The following WWOX variants were observed in gnomAD, a reference collection of about 807,000 sequenced individuals.
The protein encoded by WWOX is WW domain containing oxidoreductase, also known as WW domain-containing oxidoreductase.
A neutral mutation model predicts 46.2 loss-of-function variants in WWOX; 69 were observed. The observed-to-expected ratio is 1.49, with a 90% CI of 1.23 to 1.82. The LOEUF is 1.82. Among genes scored for constraint, WWOX ranks in the 40% most tolerant of loss-of-function variants. WWOX has a pLI of 0.00. For synonymous variants in WWOX, 359 were observed against 202.6 expected, an observed-to-expected ratio of 1.77 and a Z score of -6.56; for missense variants, 919 against 542.6, an observed-to-expected ratio of 1.69 and a Z score of -6.89.
chr16:78,679,059 T>C, intron 8 of WWOX, among the ~76,000 whole-genome samples: 1 of 152,150 alleles, frequency 6.6e-6, no homozygotes, highest in East Asian at 1.9e-4. Context: ...GTTTCTAGAA[T>C]CTCAAGGATG....
intron 8 of WWOX, among the ~76,000 whole-genome samples, chr16:78,599,725 G>A (rs1020930126): frequency 7.9e-5 from 12 of 152,172 alleles, no homozygotes; most frequent in African/African-American, 2.7e-4. Flanking sequence ...GAAGTGGGGT[G>A]TGGGCAACAG....
chr16:78,386,665 C>T lies in WWOX; in HGVS notation c.517-195C>T, dbSNP rs544858671. On this transcript the variant is annotated intron_variant, in intron 5 of 8. Transcript: ENST00000566780. ...CCCAGCCTGTAGGTTTAGCAGAATCCCAGCCTCACATCCTCCCCGAACTTG... is the reference window on the plus strand; with the variant it reads ...CCCAGCCTGTAGGTTTAGCAGAATCTCAGCCTCACATCCTCCCCGAACTTG... 2.6e-3 allele frequency among the ~76,000 whole-genome samples: 312 copies of T among 119,818 alleles called. 1 individual carries two copies. Among genetic ancestry groups the T allele is most frequent in the Non-Finnish European group, 4.2e-3 (257 of 60,778 alleles). The allele number at this position is 119,818 out of a possible 152,430, so 78.6% of individuals were successfully genotyped here. A position where few individuals can be genotyped will look rare whatever the true frequency, so the allele number is the denominator to read the frequency against.
chr16:78,437,370 C>G (rs2083357377), intron 8 of WWOX, among the ~76,000 whole-genome samples: 1 of 152,164 alleles, frequency 6.6e-6, no homozygotes, highest in South Asian at 2.1e-4. Flanking sequence ...TCTTGTGCAA[C>G]TTTATTAAAT....
Position 78,748,386 on chromosome 16 carries a change from A to G in WWOX, c.1056+315634A>G, listed in dbSNP as rs181303498. The stretch of plus-strand genomic sequence containing the variant: ...TATGGAAAGTCTTTCACTCATTTCT[A>G]TCTGCAGTATTTACTGGGCATTTTT... On this transcript the variant is annotated intron_variant, in intron 8 of 8. Coordinates refer to ENST00000566780, the MANE Select transcript of WWOX (RefSeq NM_016373.4). Among the ~76,000 whole-genome samples, 789 of 152,308 alleles carry G rather than the reference A, an allele frequency of 5.2e-3. 4 individuals are homozygous for G. Among genetic ancestry groups the G allele is most frequent in the Non-Finnish European group, 8.2e-3 (561 of 68,020 alleles).
At chr16:78,580,893 C>G (rs2045034970) in intron 8 of WWOX, among the ~76,000 whole-genome samples, 1 of 152,186 alleles carries the variant, frequency 6.6e-6, no homozygotes. Context: ...TCTGCCCACC[C>G]AGGTGGTAAT....
chr16:78,545,782 C>T (rs192756648), intron 8 of WWOX, among the ~76,000 whole-genome samples: 114 of 152,198 alleles, frequency 7.5e-4, no homozygotes, highest in Non-Finnish European at 1.2e-3. Flanking sequence ...CTCTCTGAGG[C>T]CTCTCTCCTT....
intron 8 of WWOX, among the ~76,000 whole-genome samples, chr16:79,167,500 C>T (rs1025750758): frequency 2.6e-5 from 4 of 152,074 alleles, no homozygotes; most frequent in Admixed American, 6.6e-5. Flanking sequence ...CTGGTGTGTC[C>T]ATCATGCACT....
chr16:79,058,129 C>A lies in WWOX; in HGVS notation c.1057-153479C>A, dbSNP rs143876402. The stretch of plus-strand genomic sequence containing the variant: ...CTTAAAAAAAAAAAAAACAAACAAA[C>A]AAAAAAAAAAAACTCCTTCTTCATT... On this transcript the variant is annotated intron_variant, in intron 8 of 8. Transcript: ENST00000566780. Among the ~76,000 whole-genome samples, 173 of 120,152 alleles carry A rather than the reference C, an allele frequency of 1.4e-3. No individual in the cohort carries two copies. The East Asian group carries it at 0.015, about 11-fold the overall frequency. The allele number at this position is 120,152 out of a possible 152,430, so 78.8% of individuals were successfully genotyped here. A position where few individuals can be genotyped will look rare whatever the true frequency, so the allele number is the denominator to read the frequency against.
intron 1 of WWOX, among the ~76,000 whole-genome samples, chr16:78,107,781 G>A (rs2032245003): frequency 1.3e-5 from 2 of 152,144 alleles, no homozygotes; most frequent in Non-Finnish European, 2.9e-5. Flanking sequence ...TCCAGCCTGG[G>A]CAACATAGTG....
chr16:79,079,843 A>G (rs777789931), intron 8 of WWOX, among the ~76,000 whole-genome samples: 1 of 152,242 alleles, frequency 6.6e-6, no homozygotes, highest in African/African-American at 2.4e-5. Context: ...ATTACAACAT[A>G]TGCTTCTCTG....
intron 8 of WWOX, among the ~76,000 whole-genome samples, chr16:78,911,777 A>G (rs2045118111): frequency 6.6e-6 from 1 of 152,060 alleles, no homozygotes; most frequent in African/African-American, 2.4e-5. Context: ...GAGGCAGGAG[A>G]ATCACTTGAA....
At chr16:78,795,987 T>C (rs2050725928) in intron 8 of WWOX, among the ~76,000 whole-genome samples, 2 of 152,132 alleles carry the variant, frequency 1.3e-5, no homozygotes, top group Non-Finnish European at 2.9e-5. Flanking sequence ...AAAGAACATT[T>C]TGTGAATGTT....
chr16:79,011,159 A>T (rs893326062), intron 8 of WWOX, among the ~76,000 whole-genome samples: 1 of 141,926 alleles, frequency 7.0e-6, no homozygotes, highest in African/African-American at 2.5e-5. Context: ...ACACACACAC[A>T]CACACACACA....
intron 8 of WWOX, among the ~76,000 whole-genome samples, chr16:78,718,173 C>G (rs370695598): frequency 2.2e-4 from 33 of 149,450 alleles, no homozygotes; most frequent in African/African-American, 8.3e-4. Flanking sequence ...TATGGCTGCC[C>G]AAGTTATTAT....
At chr16:78,392,102 G>A (rs9926074) in intron 6 of WWOX, among the ~76,000 whole-genome samples, 29,552 of 151,564 alleles carry the variant, frequency 0.19, 3,350 homozygotes, top group East Asian at 0.37. Context: ...AACCAATAGC[G>A]GAGCCGTGGC....
chr16:78,663,922 A>T (rs1255266699), intron 8 of WWOX, among the ~76,000 whole-genome samples: 3 of 152,202 alleles, frequency 2.0e-5, no homozygotes, highest in Admixed American at 1.3e-4. Context: ...GGGATAATAG[A>T]CAACGCTATC....
chr16:79,074,020 C>T (rs773997092), intron 8 of WWOX, among the ~76,000 whole-genome samples: 2 of 151,872 alleles, frequency 1.3e-5, no homozygotes, highest in African/African-American at 2.4e-5. Flanking sequence ...AGCCTTTCAC[C>T]ATGGTTAGTT....
chr16:78,557,597 T>C (rs1340765028), intron 8 of WWOX, among the ~76,000 whole-genome samples: 1 of 151,864 alleles, frequency 6.6e-6, no homozygotes, highest in Non-Finnish European at 1.5e-5. Context: ...AGGATGACCC[T>C]CTATCACAGC....
intron 6 of WWOX, among the ~76,000 whole-genome samples, chr16:78,415,821 C>G (rs2082785223): frequency 6.6e-6 from 1 of 152,150 alleles, no homozygotes; most frequent in African/African-American, 2.4e-5. Context: ...CAACCCCCGC[C>G]CCCACCACTA....
Sources: gnomAD v4.1 joint callset for allele counts (sites outside exome capture counted in the v4.1 genomes callset) on GRCh38, gnomAD v4.1.1 for gene constraint, MANE v1.5 for transcripts, NCBI Gene and HGNC (gene_info 2026-07-23, HGNC 2026-07-21) for gene names.